The following ZNF490 variants were observed in gnomAD, a reference collection of about 807,000 sequenced individuals.
ZNF490 encodes zinc finger protein 490.
Under a neutral mutation model 17.7 loss-of-function variants are expected in ZNF490, and 11 were observed. That is an observed-to-expected ratio of 0.62 (90% confidence interval 0.39 to 1.03). The LOEUF is 1.03. ZNF490 is among the 50% of genes least tolerant of loss of function. The pLI is 0.00. For missense variants in ZNF490, 542 were observed against 643.4 expected, an observed-to-expected ratio of 0.84 and a Z score of 1.71; for synonymous variants, 222 against 216.1, an observed-to-expected ratio of 1.03 and a Z score of -0.24.
chr19:12,609,167 CTTG>C lies in ZNF490; in HGVS notation c.150_152del (p.Ile50_Lys51delinsMet). 1 of 1,614,088 alleles carries C rather than the reference CTTG, an allele frequency of 6.2e-7. No homozygotes were observed. The highest frequency in any genetic ancestry group is 2.2e-5 in the East Asian group (1 of 44,878). On this transcript the variant is annotated inframe_deletion, in exon 2 of 5. Transcript: ENST00000311437. Reference sequence around the variant, plus strand: ...TAGCGATCTCACTTACAGTTTGAGTCTTGATGCTTTGTCCATGGTGTTCACTGT... The same window carrying C: ...TAGCGATCTCACTTACAGTTTGAGTCATGCTTTGTCCATGGTGTTCACTGT...
chr19:12,577,442 G>C lies in ZNF490; in HGVS notation c.*3043C>G, dbSNP rs1361867080. The C allele has an allele frequency of 3.0e-6, 3 of 985,174 alleles. No individual in the cohort carries two copies. The African/African-American group carries it at 5.2e-5, about 17-fold the overall frequency. 61.0% of individuals were successfully genotyped at this position (985,174 alleles called of 1,614,324 possible). A position where few individuals can be genotyped will look rare whatever the true frequency, so the allele number is the denominator to read the frequency against. On this transcript the variant is annotated 3_prime_UTR_variant, in exon 5 of 5. Coordinates refer to ENST00000311437, the MANE Select transcript of ZNF490 (RefSeq NM_020714.3). The stretch of plus-strand genomic sequence containing the variant: ...CTCTCTACAAAAGCACAACATGGCA[G>C]CTCAAGAATGTGAAAGGACCTGAAA...
chr19:12,578,021 T>C lies in ZNF490; in HGVS notation c.*2464A>G. The C allele has an allele frequency of 1.0e-6, 1 of 985,468 alleles. No individual in the cohort carries two copies. The highest frequency in any genetic ancestry group is 1.2e-6 in the Non-Finnish European group (1 of 829,954). The allele number at this position is 985,468 out of a possible 1,614,324, so 61.0% of individuals were successfully genotyped here. ...TGCCTTGTGATGTGAAGCAAGGTAG[T>C]TCCATGGCTTGTGAACCCTGACACC... On this transcript the variant is annotated 3_prime_UTR_variant, in exon 5 of 5. Transcript: ENST00000311437.
chr19:12,598,942 G>A (rs2022967695), intron 2 of ZNF490, among the ~76,000 whole-genome samples: 1 of 150,372 alleles, frequency 6.7e-6, no homozygotes, highest in African/African-American at 2.4e-5. Context: ...AGCCGAGACT[G>A]CATCACTGCA....
At chr19:12,598,095 G>A (rs1439192178) in intron 2 of ZNF490, among the ~76,000 whole-genome samples, 1 of 151,688 alleles carries the variant, frequency 6.6e-6, no homozygotes, top group African/African-American at 2.4e-5. Flanking sequence ...GTGGTGGCAC[G>A]CGCCTGTAAT....
At chr19:12,601,270 C>T (rs1448298185) in intron 2 of ZNF490, among the ~76,000 whole-genome samples, 1 of 151,820 alleles carries the variant, frequency 6.6e-6, no homozygotes, top group East Asian at 1.9e-4. Context: ...CACCTGTAGT[C>T]CCAGCTACTC....
chr19:12,579,208 G>C lies in ZNF490; in HGVS notation c.*1277C>G, dbSNP rs1415391461. On this transcript the variant is annotated 3_prime_UTR_variant, in exon 5 of 5. Transcript: ENST00000311437. ...GCGGAGCTTGCAGTGAGCTGAGATC[G>C]CGCCACTGCACTCCAGCCTGGGCAA... 1.4e-5 allele frequency: 2 copies of C among 145,514 alleles called. No individual in the cohort carries two copies. The highest frequency in any genetic ancestry group is 3.0e-5 in the Non-Finnish European group (2 of 67,014). The allele number at this position is 145,514 out of a possible 1,614,324, so 9.0% of individuals were successfully genotyped here.
intron 2 of ZNF490, among the ~76,000 whole-genome samples, chr19:12,591,315 G>C (rs1284392457): frequency 6.6e-6 from 1 of 151,826 alleles, no homozygotes; most frequent in African/African-American, 2.4e-5. Flanking sequence ...GCTTGAACCT[G>C]AGAAGCTGAT....
chr19:12,577,610 T>C lies in ZNF490; in HGVS notation c.*2875A>G. The stretch of plus-strand genomic sequence containing the variant: ...CTCCACTGCATCTCCACAGTAGCCG[T>C]CACTTCCACTGAGGCCTCATCTGCC... On this transcript the variant is annotated 3_prime_UTR_variant, in exon 5 of 5. Transcript: ENST00000311437. 2.0e-6 allele frequency: 2 copies of C among 985,452 alleles called. No homozygotes were observed. Among genetic ancestry groups the C allele is most frequent in the Non-Finnish European group, 2.4e-6 (2 of 829,946 alleles). The allele number at this position is 985,452 out of a possible 1,614,324, so 61.0% of individuals were successfully genotyped here.
chr19:12,593,868 T>C (rs1209950942), intron 2 of ZNF490, among the ~76,000 whole-genome samples: 2 of 152,076 alleles, frequency 1.3e-5, no homozygotes, highest in African/African-American at 4.8e-5. Flanking sequence ...AGAAAAGAAG[T>C]CACCCTCCCA....
At chr19:12,591,980 A>T (rs914307182) in intron 2 of ZNF490, among the ~76,000 whole-genome samples, 1 of 152,214 alleles carries the variant, frequency 6.6e-6, no homozygotes, top group Admixed American at 6.5e-5. Context: ...CTTAGAGTGA[A>T]CCAAGATACC....
chr19:12,577,125 A>C lies in ZNF490; in HGVS notation c.*3360T>G, dbSNP rs193167166. The stretch of plus-strand genomic sequence containing the variant: ...CTTCCAGAATGCCAGGATCAAGGGG[A>C]CAGAGATATTAGCACAGCTTTGTTG... On this transcript the variant is annotated 3_prime_UTR_variant, in exon 5 of 5. Transcript: ENST00000311437. Among the ~76,000 whole-genome samples, 2 of 152,142 alleles carry C rather than the reference A, an allele frequency of 1.3e-5. No individual in the cohort carries two copies. The highest frequency in any genetic ancestry group is 2.9e-5 in the Non-Finnish European group (2 of 68,038).
At chr19:12,609,561 T>A (rs544059315) in intron 1 of ZNF490, among the ~76,000 whole-genome samples, 26 of 152,226 alleles carry the variant, frequency 1.7e-4, no homozygotes, top group African/African-American at 6.3e-4. Context: ...TTTTTAAAAA[T>A]TTTTTGAGAA....
At position 12,581,296 on chromosome 19, in the gene ZNF490, C is replaced by G. The variant is rs1451284311; in HGVS notation, c.779G>C (p.Arg260Thr). Residue 260 changes from arginine to threonine, a missense_variant, in exon 5 of 5, where the codon AGA becomes ACA. Arg to Thr is a moderately conservative substitution (Grantham distance 71). Transcript: ENST00000311437. ...ATGGCGCCGAAGAGCAGTGAGATAT[C>G]TGAATGCCTTCCCACATTCCTTACA... ...YECKECGKAF[R>T]YLTALRRHEK... The G allele has an allele frequency of 3.4e-5, 55 of 1,613,882 alleles. No homozygotes were observed. Among genetic ancestry groups the G allele is most frequent in the Non-Finnish European group, 4.6e-5 (54 of 1,180,006 alleles).
intron 2 of ZNF490, among the ~76,000 whole-genome samples, chr19:12,598,208 G>A (rs1253945553): frequency 7.4e-5 from 11 of 149,258 alleles, no homozygotes; most frequent in African/African-American, 2.7e-4. Context: ...TGGTGGCAGA[G>A]CGAGACTCTG....
At chr19:12,588,745 TAA>T (rs1194376207) in intron 2 of ZNF490, among the ~76,000 whole-genome samples, 2 of 152,162 alleles carry the variant, frequency 1.3e-5, no homozygotes, top group African/African-American at 4.8e-5. Flanking sequence ...CTAGCAAATT[TAA>T]AAGACTAGAG....
rs574699435 is a variant in ZNF490, at chr19:12,578,737, C to T, written c.*1748G>A. The T allele has an allele frequency of 1.0e-5, 10 of 985,442 alleles. No homozygotes were observed. The African/African-American group carries it at 1.6e-4, about 15-fold the overall frequency. 61.0% of individuals were successfully genotyped at this position (985,442 alleles called of 1,614,324 possible). A position where few individuals can be genotyped will look rare whatever the true frequency, so the allele number is the denominator to read the frequency against. On this transcript the variant is annotated 3_prime_UTR_variant, in exon 5 of 5. Transcript: ENST00000311437. Reference sequence around the variant, plus strand: ...TTCTGGGAGTCTTCTCACTTCTCTCCAGTCATGTGTGAGAGCTGAGGGCAG... The same window carrying T: ...TTCTGGGAGTCTTCTCACTTCTCTCTAGTCATGTGTGAGAGCTGAGGGCAG...
Position 12,577,867 on chromosome 19 carries a change from TGA to T in ZNF490, c.*2616_*2617del, listed in dbSNP as rs1307350187. 31 of 985,342 alleles carry T rather than the reference TGA, an allele frequency of 3.1e-5. 1 individual carries two copies. In the African/African-American group the frequency reaches 4.7e-4, roughly 15 times the overall value. 61.0% of individuals were successfully genotyped at this position (985,342 alleles called of 1,614,324 possible). The stretch of plus-strand genomic sequence containing the variant: ...CTGCCACCTCCCTTCTAAAACACAC[TGA>T]CTTGCTAAGAAAAGGGGGGACTGAC... On this transcript the variant is annotated 3_prime_UTR_variant, in exon 5 of 5. Coordinates refer to ENST00000311437, the MANE Select transcript of ZNF490 (RefSeq NM_020714.3).
At chr19:12,595,668 G>C (rs1347610519) in intron 2 of ZNF490, among the ~76,000 whole-genome samples, 1 of 152,076 alleles carries the variant, frequency 6.6e-6, no homozygotes, top group African/African-American at 2.4e-5. Context: ...AAGGTTTCAG[G>C]GCTGGGTGTG....
At chr19:12,593,585 A>G (rs1449720751) in intron 2 of ZNF490, among the ~76,000 whole-genome samples, 1 of 152,054 alleles carries the variant, frequency 6.6e-6, no homozygotes, top group Non-Finnish European at 1.5e-5. Context: ...CAAAGGTGCA[A>G]CTCTTAGACA....
Sources: gnomAD v4.1 joint callset for allele counts (sites outside exome capture counted in the v4.1 genomes callset) on GRCh38, gnomAD v4.1.1 for gene constraint, MANE v1.5 for transcripts, NCBI Gene and HGNC (gene_info 2026-07-23, HGNC 2026-07-21) for gene names.